DCDC1: variants seen among roughly 807,000 people sequenced by gnomAD.
DCDC1 encodes the protein doublecortin domain containing 1.
In DCDC1, 200 loss-of-function variants were observed where a neutral mutation model predicts 178.3. The observed-to-expected ratio is 1.12, with a 90% CI of 1.00 to 1.26. The LOEUF (loss-of-function observed/expected upper bound fraction) is 1.26, where lower values mean the gene tolerates loss of function less well. Ranked by LOEUF, DCDC1 falls within the 50% of genes most tolerant of loss-of-function variation. The pLI, the probability that DCDC1 is intolerant of heterozygous loss-of-function variation, is 0.00. For synonymous variants in DCDC1, 690 were observed against 604.8 expected, an observed-to-expected ratio of 1.14 and a Z score of -2.07; for missense variants, 1,983 against 1,749.2, an observed-to-expected ratio of 1.13 and a Z score of -2.38.
chr11:31,073,864 G>T (rs1565249233), intron 18 of DCDC1, among the ~76,000 whole-genome samples: 1 of 152,026 alleles, frequency 6.6e-6, no homozygotes, highest in Non-Finnish European at 1.5e-5. Flanking sequence ...AACTATTCAG[G>T]GAAGGAAATG....
intron 20 of DCDC1, among the ~76,000 whole-genome samples, chr11:30,964,442 T>G (rs1590574077): frequency 6.6e-6 from 1 of 152,260 alleles, no homozygotes; most frequent in Admixed American, 6.5e-5. Flanking sequence ...ATAGATCTTT[T>G]TGCCTCTGCA....
At position 31,093,243 on chromosome 11, in the gene DCDC1, T is replaced by C. The variant is rs182948601; in HGVS notation, c.2118+807A>G. ...ACCTTTGTGTCTTAATTATTCTATA[T>C]GTTTGTTTTTAACTTTTAAAGAACA... On this transcript the variant is annotated intron_variant, in intron 16 of 38. Coordinates refer to ENST00000684477, the MANE Select transcript of DCDC1 (RefSeq NM_001387274.1). 2.6e-5 allele frequency among the ~76,000 whole-genome samples: 4 copies of C among 152,356 alleles called. No individual in the cohort carries two copies. In the East Asian group the frequency reaches 5.8e-4, roughly 22 times the overall value.
intron 18 of DCDC1, among the ~76,000 whole-genome samples, chr11:31,071,528 T>C (rs556953430): frequency 2.4e-4 from 36 of 152,298 alleles, no homozygotes; most frequent in Non-Finnish European, 5.3e-4. Context: ...CTTGTATTCA[T>C]ACCTTTGTGT....
chr11:31,086,603 T>C (rs1957491062), intron 17 of DCDC1, among the ~76,000 whole-genome samples: 1 of 152,180 alleles, frequency 6.6e-6, no homozygotes, highest in Non-Finnish European at 1.5e-5. Flanking sequence ...TTTGGTGTCA[T>C]ATCTGAGAAA....
chr11:30,923,765 T>G lies in DCDC1; in HGVS notation c.2998-1127A>C, dbSNP rs931907042. 4.6e-5 allele frequency among the ~76,000 whole-genome samples: 7 copies of G among 151,876 alleles called. No homozygotes were observed. In the South Asian group the frequency reaches 6.2e-4, roughly 13 times the overall value. ...CTGAGTAGCTGGGATTACAGGCACC[T>G]GCCACCATGCCCAGCTAATTTTTTG... On this transcript the variant is annotated intron_variant, in intron 23 of 38. Transcript: ENST00000684477.
intron 3 of DCDC1, among the ~76,000 whole-genome samples, chr11:31,321,789 T>TA (rs1949376232): frequency 6.6e-6 from 1 of 152,192 alleles, no homozygotes; most frequent in Non-Finnish European, 1.5e-5. Flanking sequence ...ACTCAGAACT[T>TA]ACATTTTCTA....
At chr11:30,890,624 A>C (rs1943688926) in intron 36 of DCDC1, among the ~76,000 whole-genome samples, 1 of 152,196 alleles carries the variant, frequency 6.6e-6, no homozygotes, top group African/African-American at 2.4e-5. Flanking sequence ...AAAAATCTGG[A>C]CTTACCGTAA....
chr11:31,366,480 T>C (rs1011474581), intron 1 of DCDC1, among the ~76,000 whole-genome samples: 2 of 152,124 alleles, frequency 1.3e-5, no homozygotes, highest in Non-Finnish European at 2.9e-5. Context: ...GGACTTGCTA[T>C]GAAAGTTGAG....
chr11:31,227,701 T>G (rs1975180659), intron 9 of DCDC1, among the ~76,000 whole-genome samples: 1 of 151,992 alleles, frequency 6.6e-6, no homozygotes, highest in Admixed American at 6.6e-5. Flanking sequence ...ACATCCCAAT[T>G]AAAAGAAATT....
At chr11:31,295,224 T>C (rs760328813) in intron 6 of DCDC1, among the ~76,000 whole-genome samples, 30 of 152,236 alleles carry the variant, frequency 2.0e-4, no homozygotes, top group Non-Finnish European at 4.1e-4. Flanking sequence ...TACTGTATTT[T>C]TGTTTGTATT....
intron 21 of DCDC1, among the ~76,000 whole-genome samples, chr11:30,945,676 A>G (rs1947977524): frequency 6.6e-6 from 1 of 152,018 alleles, no homozygotes; most frequent in African/African-American, 2.4e-5. Flanking sequence ...CGGGGTAACA[A>G]GAGCAAAACT....
chr11:31,219,655 A>G (rs1974017609), intron 9 of DCDC1, among the ~76,000 whole-genome samples: 1 of 152,204 alleles, frequency 6.6e-6, no homozygotes, highest in Admixed American at 6.6e-5. Context: ...AAATATACCA[A>G]CTAAGGACAA....
intron 7 of DCDC1, among the ~76,000 whole-genome samples, chr11:31,279,384 C>T (rs1327647369): frequency 6.6e-6 from 1 of 152,038 alleles, no homozygotes; most frequent in Non-Finnish European, 1.5e-5. Context: ...TAAATTATTA[C>T]TTAGTTTGAC....
At position 31,307,761 on chromosome 11, in the gene DCDC1, T is replaced by G. The variant is rs1948550672; in HGVS notation, c.312A>C (p.Ser104=). The change falls in exon 4 of 39, where the codon TCA becomes TCC. Residue 104 remains serine, a synonymous_variant. Coordinates refer to ENST00000684477, the MANE Select transcript of DCDC1 (RefSeq NM_001387274.1). The part of the protein sequence containing the change: ...LQDCSTHQTA[S]DHSHDEISDL... ...CTGATATTTCATCATGGCTGTGATC[T>G]GATGCTGTTTGATGTGTGGAGCAAT... 1 of 1,614,168 alleles carries G rather than the reference T, an allele frequency of 6.2e-7. No individual in the cohort carries two copies. Among genetic ancestry groups the G allele is most frequent in the East Asian group, 2.2e-5 (1 of 44,878 alleles).
chr11:31,206,492 C>A (rs983786278), intron 9 of DCDC1, among the ~76,000 whole-genome samples: 1 of 152,192 alleles, frequency 6.6e-6, no homozygotes, highest in Non-Finnish European at 1.5e-5. Context: ...CCGCTCACTG[C>A]AACCTCCGCC....
intron 20 of DCDC1, among the ~76,000 whole-genome samples, chr11:31,054,837 A>C (rs1955483192): frequency 6.6e-6 from 1 of 152,272 alleles, no homozygotes; most frequent in African/African-American, 2.4e-5. Context: ...AAATCAACTC[A>C]AAATGGACTA....
intron 9 of DCDC1, among the ~76,000 whole-genome samples, chr11:31,218,787 C>A (rs1037104575): frequency 1.3e-5 from 2 of 152,106 alleles, no homozygotes; most frequent in African/African-American, 4.8e-5. Context: ...CTTCATTCTT[C>A]CTCCCTCACT....
intron 37 of DCDC1, among the ~76,000 whole-genome samples, chr11:30,879,457 T>C (rs892994281): frequency 2.0e-5 from 3 of 152,224 alleles, no homozygotes; most frequent in Non-Finnish European, 4.4e-5. Context: ...AATCAGACTT[T>C]CTGCGATCAG....
chr11:31,330,870 T>C (rs1949943496), intron 2 of DCDC1, among the ~76,000 whole-genome samples: 1 of 152,222 alleles, frequency 6.6e-6, no homozygotes, highest in African/African-American at 2.4e-5. Context: ...AGGATTGTCT[T>C]GGCAATGTGG....
Sources: allele counts gnomAD v4.1 joint callset (sites outside exome capture counted in the v4.1 genomes callset), GRCh38; gene constraint gnomAD v4.1.1; transcripts MANE v1.5; gene names NCBI Gene and HGNC (gene_info 2026-07-23, HGNC 2026-07-21).